SNX31: variants seen among roughly 807,000 people sequenced by gnomAD.
SNX31 encodes sorting nexin 31, also known as sorting nexin-31.
Under a neutral mutation model 65.4 loss-of-function variants are expected in SNX31, and 58 were observed. That is an observed-to-expected ratio of 0.89 (90% CI 0.72 to 1.10). The LOEUF (loss-of-function observed/expected upper bound fraction) is 1.10. Among genes scored for constraint, SNX31 ranks in the 50% least tolerant of loss-of-function variants. The pLI is 0.00. For synonymous variants in SNX31, 181 were observed against 190.1 expected, an observed-to-expected ratio of 0.95 and a Z score of 0.39; for missense variants, 523 against 529.7, an observed-to-expected ratio of 0.99 and a Z score of 0.12.
chr8:100,603,481 G>C (rs1815840703), intron 8 of SNX31, among the ~76,000 whole-genome samples: 1 of 151,352 alleles, frequency 6.6e-6, no homozygotes, highest in Non-Finnish European at 1.5e-5. Flanking sequence ...TGTTGCCCAG[G>C]CTGGAGTGCA....
chr8:100,617,701 A>C lies in SNX31; in HGVS notation c.351T>G (p.Ala117=), dbSNP rs965488291. 4 of 1,613,578 alleles carry C rather than the reference A, an allele frequency of 2.5e-6. No homozygotes were observed. The part of the protein sequence containing the change: ...LNTFDIATKK[A]YLDIFLPNEQ... The stretch of plus-strand genomic sequence containing the variant: ...CATTGGGCAGAAATATGTCCAGATA[A>C]GCTTTCTTGGTGGCGATGTCAAATG... The change falls in exon 5 of 14, where the codon GCT becomes GCG. Residue 117 remains alanine, a synonymous_variant. Coordinates refer to ENST00000311812, the MANE Select transcript of SNX31 (RefSeq NM_152628.4).
upstream of SNX31, among the ~76,000 whole-genome samples, chr8:100,652,950 A>G (rs1455122871): frequency 6.6e-6 from 1 of 152,198 alleles, no homozygotes; most frequent in African/African-American, 2.4e-5. Context: ...GGCCATATGA[A>G]AAAAAGGGTC....
intron 5 of SNX31, among the ~76,000 whole-genome samples, chr8:100,616,162 C>A (rs532923706): frequency 6.6e-6 from 1 of 152,228 alleles, no homozygotes; most frequent in East Asian, 1.9e-4. Context: ...CAATGTTGAC[C>A]GAAACGTCAT....
rs777375842 is a variant in SNX31, at chr8:100,596,738, G to A, written c.879C>T (p.Gly293=). 1 of 1,614,088 alleles carries A rather than the reference G, an allele frequency of 6.2e-7. No homozygotes were observed. The highest frequency in any genetic ancestry group is 1.1e-5 in the South Asian group (1 of 91,070). ...ESGSGAVLSV[G]NNEISCCITL... ...TGATGCAGCAGCTGATCTCATTATT[G>A]CCAACAGAAAGAACAGCTCCAGAGC... is the stretch of plus-strand genomic sequence containing the variant. The change falls in exon 10 of 14, where the codon GGC becomes GGT. Residue 293 remains glycine (G), a synonymous_variant. Coordinates refer to ENST00000311812, the MANE Select transcript of SNX31 (RefSeq NM_152628.4).
rs770781337 is a variant in SNX31, at chr8:100,629,106, A to G, written c.321+1221T>C. On this transcript the variant is annotated intron_variant, in intron 4 of 13. Transcript: ENST00000311812. This position sits in a 1 kb window ranked among gnomAD's most constrained non-coding sequence, Gnocchi z 5.1. Reference sequence around the variant, plus strand: ...ATCGCCTAATGATGCATTTATCAGAACGAATCCACATTTTTAAGTGACACA... The same window carrying G: ...ATCGCCTAATGATGCATTTATCAGAGCGAATCCACATTTTTAAGTGACACA... 1.6e-4 allele frequency among the ~76,000 whole-genome samples: 24 copies of G among 152,140 alleles called. No individual in the cohort carries two copies. Among genetic ancestry groups the G allele is most frequent in the Middle Eastern group, 3.2e-3 (1 of 316 alleles).
At chr8:100,587,882 T>C (rs1474527987) in intron 11 of SNX31, among the ~76,000 whole-genome samples, 1 of 152,202 alleles carries the variant, frequency 6.6e-6, no homozygotes, top group African/African-American at 2.4e-5. Context: ...TTCTGAGAAA[T>C]GCATCATTAG....
chr8:100,643,701 T>C (rs1819429279), intron 2 of SNX31, among the ~76,000 whole-genome samples: 1 of 152,108 alleles, frequency 6.6e-6, no homozygotes, highest in Admixed American at 6.5e-5. Context: ...ATGGACTCAG[T>C]CTTCTCACTG....
In SNX31 at chr8:100,649,280, G is replaced by T. The variant is rs773378063; in HGVS notation, c.135C>A (p.Asn45Lys). ...CCGCCTCCAATCTGCTCACCTGTTC[G>T]TTCCAACCGTGCAGCTGGCTGTAGC... The part of the protein sequence containing the change: ...RVRYSQLHGW[N>K]EQLRRVFGNC... The change falls in exon 2 of 14, where the codon AAC becomes AAA. Residue 45 changes from asparagine to lysine, a missense_variant. Coordinates refer to ENST00000311812, the MANE Select transcript of SNX31 (RefSeq NM_152628.4). 1.1e-5 allele frequency: 17 copies of T among 1,613,882 alleles called. No homozygotes were observed. Among genetic ancestry groups the T allele is most frequent in the East Asian group, 6.7e-5 (3 of 44,888 alleles).
chr8:100,577,039 A>G lies in SNX31; in HGVS notation c.1207T>C (p.Tyr403His). The change falls in exon 13 of 14, where the codon TAC becomes CAC. Residue 403 changes from tyrosine (Y) to histidine (H), a missense_variant. Physicochemically the swap from Tyr to His is moderately conservative, Grantham distance 83. Coordinates refer to ENST00000311812, the MANE Select transcript of SNX31 (RefSeq NM_152628.4). ...CAGACCTGGCTTTGTTGAATGTGGTATTTTTTACTTTTGCTTTGTTCCGGA... is the reference window on the plus strand; with the variant it reads ...CAGACCTGGCTTTGTTGAATGTGGTGTTTTTTACTTTTGCTTTGTTCCGGA... ...EVPEQSKSKK[Y>H]HIQQSQQKDY... 1 of 1,613,598 alleles carries G rather than the reference A, an allele frequency of 6.2e-7. No individual in the cohort carries two copies. The highest frequency in any genetic ancestry group is 8.5e-7 in the Non-Finnish European group (1 of 1,179,838).
intron 2 of SNX31, among the ~76,000 whole-genome samples, chr8:100,642,977 G>C (rs192484318): frequency 6.6e-6 from 1 of 152,140 alleles, no homozygotes; most frequent in East Asian, 1.9e-4. Flanking sequence ...GATCACCTGA[G>C]GTCAGGAGTT....
chr8:100,656,239 T>TCAAGTCACCTGCTTGTCCCTCTTC (rs1820050470), intron 1 of SNX31, among the ~76,000 whole-genome samples: 2 of 152,342 alleles, frequency 1.3e-5, no homozygotes, highest in South Asian at 4.1e-4. Flanking sequence ...GCTTGGTCTC[T>TCAAGTCACCTGCTTGTCCCTCTTC]CAAGTCACCT....
At chr8:100,605,137 G>A (rs1040909377) in intron 8 of SNX31, among the ~76,000 whole-genome samples, 4 of 149,050 alleles carry the variant, frequency 2.7e-5, no homozygotes, top group Non-Finnish European at 5.9e-5. Flanking sequence ...GACCTCAGGT[G>A]ATCCACCTGC....
At chr8:100,618,486 A>G in intron 4 of SNX31, 1 of 652,008 alleles carries the variant, frequency 1.5e-6, no homozygotes, top group Non-Finnish European at 2.7e-6. Flanking sequence ...CAATTCAATT[A>G]TGACATGCTT....
intron 13 of SNX31, among the ~76,000 whole-genome samples, chr8:100,574,802 T>C (rs1358507357): frequency 6.6e-6 from 1 of 151,870 alleles, no homozygotes; most frequent in Non-Finnish European, 1.5e-5. Context: ...GATGTGGTGG[T>C]GCACACCTGT....
At chr8:100,581,333 C>CTATATATATATATATCTA (rs1330316859) in intron 12 of SNX31, among the ~76,000 whole-genome samples, 12 of 137,194 alleles carry the variant, frequency 8.7e-5, no homozygotes, top group African/African-American at 3.7e-4. Flanking sequence ...ATCTATCTAT[C>CTATATATATATATATCTA]TATCTATATA....
chr8:100,645,744 TGGAATTA>T (rs2131285324), intron 2 of SNX31, among the ~76,000 whole-genome samples: 2 of 151,638 alleles, frequency 1.3e-5, no homozygotes, highest in South Asian at 4.2e-4. Context: ...CCTGAATAGC[TGGAATTA>T]CAGGAGCACC....
intron 4 of SNX31, 38 bp from the exon 5 acceptor site, chr8:100,617,768 T>A (rs755744820): frequency 2.5e-4 from 59 of 234,418 alleles, no homozygotes; most frequent in Non-Finnish European, 3.5e-4. Context: ...TTTCCACACC[T>A]TTTTTTTTTT....
At position 100,594,401 on chromosome 8, in the gene SNX31, C is replaced by G. The variant is rs181432620; in HGVS notation, c.978+2238G>C. 1.3e-5 allele frequency among the ~76,000 whole-genome samples: 2 copies of G among 152,144 alleles called. No individual in the cohort carries two copies. Among genetic ancestry groups the G allele is most frequent in the East Asian group, 1.9e-4 (1 of 5,184 alleles). Reference sequence around the variant, plus strand: ...AAATATTTGGAAACCAGATGGCCAACAAAGAACAAGTATCTAGAATACATA... The same window carrying G: ...AAATATTTGGAAACCAGATGGCCAAGAAAGAACAAGTATCTAGAATACATA... On this transcript the variant is annotated intron_variant, in intron 10 of 13. Transcript: ENST00000311812. The surrounding 1 kb of genome is among the most constrained non-coding windows in gnomAD (Gnocchi z 4.0).
At chr8:100,661,248 T>G (rs1467027278) in intron 1 of SNX31, among the ~76,000 whole-genome samples, 1 of 152,112 alleles carries the variant, frequency 6.6e-6, no homozygotes, top group Non-Finnish European at 1.5e-5. Context: ...TCAGGTGATC[T>G]GCCCGCCTCG....
Sources: gnomAD v4.1 joint callset for allele counts (sites outside exome capture counted in the v4.1 genomes callset) on GRCh38, gnomAD v4.1.1 for gene constraint, Gnocchi (gnomAD v3.1) non-coding constraint, MANE v1.5 for transcripts, NCBI Gene and HGNC (gene_info 2026-07-23, HGNC 2026-07-21) for gene names.